OR5K1: variants seen among roughly 807,000 people sequenced by gnomAD.
OR5K1 encodes the protein olfactory receptor 5K1.
A neutral mutation model predicts 10.4 loss-of-function variants in OR5K1; 7 were observed. The ratio of observed to expected loss-of-function variants is 0.67; its 90% CI spans 0.38 to 1.26. The LOEUF (loss-of-function observed/expected upper bound fraction) is 1.26, where lower values mean the gene tolerates loss of function less well. OR5K1 is among the 50% of genes most tolerant of loss of function. OR5K1 has a pLI of 0.02. For missense variants in OR5K1, 435 were observed against 366.2 expected (o/e 1.19, Z -1.53); for synonymous variants, 135 against 128.5 (o/e 1.05, Z -0.34).
intron 1 of OR5K1, among the ~76,000 whole-genome samples, chr3:98,468,645 T>C (rs1262184418): frequency 6.6e-6 from 1 of 152,140 alleles, no homozygotes; most frequent in Non-Finnish European, 1.5e-5. Flanking sequence ...TTGTAACATG[T>C]CAGAATTTCT....
Position 98,469,941 on chromosome 3 carries a change from G to A in OR5K1, c.365G>A (p.Arg122His), listed in dbSNP as rs370192014. The A allele has an allele frequency of 4.5e-5, 72 of 1,613,582 alleles. No homozygotes were observed. In the Middle Eastern group the frequency reaches 4.9e-4, roughly 11 times the overall value. The change falls in exon 2 of 2, where the codon CGC becomes CAC. Residue 122 changes from arginine to histidine, a missense_variant. Coordinates refer to ENST00000642057, the MANE Select transcript of OR5K1 (RefSeq NM_001004736.4). ...CTTCTGGCAGCAATGGCCTATGACC[G>A]CTATGTGGCCATATGCAACCCACTG... ...CFLLAAMAYD[R>H]YVAICNPLQY...
At position 98,469,690 on chromosome 3, in the gene OR5K1, C is replaced by T. The variant is rs760671393; in HGVS notation, c.114C>T (p.Thr38=). Residue 38 remains threonine (T), a synonymous_variant, in exon 2 of 2, where the codon ACC becomes ACT. Coordinates refer to ENST00000642057, the MANE Select transcript of OR5K1 (RefSeq NM_001004736.4). ...TGTTCTTTGCCATCTATCTGATCAC[C>T]GTGGTGGGGAATATTAGTTTGGTGG... The part of the protein sequence containing the change: ...FVVFFAIYLI[T]VVGNISLVAL... The T allele has an allele frequency of 1.7e-5, 28 of 1,613,682 alleles. No homozygotes were observed. The highest frequency in any genetic ancestry group is 2.2e-5 in the Non-Finnish European group (26 of 1,179,766).
intron 1 of OR5K1, among the ~76,000 whole-genome samples, chr3:98,465,651 G>A (rs1705362913): frequency 6.6e-6 from 1 of 151,888 alleles, no homozygotes; most frequent in African/African-American, 2.4e-5. Context: ...TAGCCTCATA[G>A]CTATTTTAAA....
rs776993135 is a variant in OR5K1 at position 98,470,410 on chromosome 3, T to C, written c.834T>C (p.Phe278=). The C allele has an allele frequency of 6.2e-7, 1 of 1,608,664 alleles. No homozygotes were observed. ...AAGATATACCAGCTGCAATTTTATT[T>C]ACAATAGTAGTTCCCTTACTAAATC... is the stretch of plus-strand genomic sequence containing the variant. The part of the protein sequence containing the change: ...GDKDIPAAIL[F]TIVVPLLNPF... The change falls in exon 2 of 2, where the codon TTT becomes TTC. Residue 278 remains phenylalanine (F), a synonymous_variant. Coordinates refer to ENST00000642057, the MANE Select transcript of OR5K1 (RefSeq NM_001004736.4).
At position 98,472,579 on chromosome 3, in the gene OR5K1, T is replaced by C. The variant is rs536897506; in HGVS notation, c.*2076T>C. The C allele has an allele frequency of 6.6e-6, 1 of 152,070 alleles. No homozygotes were observed. The highest frequency in any genetic ancestry group is 6.6e-5 in the Admixed American group (1 of 15,226). 9.4% of individuals were successfully genotyped at this position (152,070 alleles called of 1,614,324 possible). On this transcript the variant is annotated 3_prime_UTR_variant, in exon 2 of 2. Coordinates refer to ENST00000642057, the MANE Select transcript of OR5K1 (RefSeq NM_001004736.4). ...TCCTTAATTCTAGGATGATACTTAG[T>C]TTTCACATCATTACAAATGTTTCCC...
chr3:98,465,251 T>A (rs1289363248), intron 1 of OR5K1, among the ~76,000 whole-genome samples: 3 of 152,188 alleles, frequency 2.0e-5, no homozygotes, highest in African/African-American at 2.4e-5. Context: ...ATTTTGTTTT[T>A]TACATAACGT....
chr3:98,467,166 C>A, intron 1 of OR5K1, among the ~76,000 whole-genome samples: 1 of 100,000 alleles, frequency 1.0e-5, no homozygotes, highest in East Asian at 3.0e-4. Context: ...AATCCTTTCC[C>A]CATTGCTTGT....
At chr3:98,467,908 AT>A (rs1705392792) in intron 1 of OR5K1, among the ~76,000 whole-genome samples, 1 of 150,258 alleles carries the variant, frequency 6.7e-6, no homozygotes, top group South Asian at 2.1e-4. Context: ...CTCCTGCCTG[AT>A]TGCCCTGGCC....
At chr3:98,464,067 C>T (rs980061935) in intron 1 of OR5K1, among the ~76,000 whole-genome samples, 2 of 151,938 alleles carry the variant, frequency 1.3e-5, no homozygotes, top group Non-Finnish European at 2.9e-5. Context: ...CCAGCCTAGC[C>T]AACATGGTGA....
At position 98,470,829 on chromosome 3, in the gene OR5K1, T is replaced by C. The variant is rs1705438517; in HGVS notation, c.*326T>C. 2 of 175,176 alleles carry C rather than the reference T, an allele frequency of 1.1e-5. No individual in the cohort carries two copies. Among genetic ancestry groups the C allele is most frequent in the South Asian group, 2.9e-4 (2 of 6,854 alleles). The allele number at this position is 175,176 out of a possible 1,614,324, so 10.9% of individuals were successfully genotyped here. On this transcript the variant is annotated 3_prime_UTR_variant, in exon 2 of 2. Transcript: ENST00000642057. ...AAAAGAACACAGCAAAACTGGAAGT[T>C]ACAAGTTCAAAGGACCATTCCATTA...
At position 98,470,027 on chromosome 3, in the gene OR5K1, G is replaced by T; in HGVS notation, c.451G>T (p.Ala151Ser). The T allele has an allele frequency of 6.2e-7, 1 of 1,613,620 alleles. No homozygotes were observed. The highest frequency in any genetic ancestry group is 8.5e-7 in the Non-Finnish European group (1 of 1,179,760). ...CIQMTTGAFI[A>S]GNLHSMIHVG... is the part of the protein sequence containing the mutation. ...TCAGATGACCACAGGGGCCTTCATA[G>T]CTGGAAACCTGCATTCCATGATTCA... Residue 151 changes from alanine to serine, a missense_variant, in exon 2 of 2, where the codon GCT becomes TCT. Coordinates refer to ENST00000642057, the MANE Select transcript of OR5K1 (RefSeq NM_001004736.4).
At position 98,466,726 on chromosome 3, in the gene OR5K1, G is replaced by A. The variant is rs1488260323; in HGVS notation, c.-11-2840G>A. On this transcript the variant is annotated intron_variant, in intron 1 of 1. Transcript: ENST00000642057. ...TGAGAAGTGTCTGTTCATGTCCTTC[G>A]CCCACTTTTTGATGGGGTTGTTTGT... Among the ~76,000 whole-genome samples, 1,010 of 126,670 alleles carry A rather than the reference G, an allele frequency of 8.0e-3. 12 individuals are homozygous for A. Among genetic ancestry groups the A allele is most frequent in the African/African-American group, 0.034 (911 of 27,006 alleles). The allele number at this position is 126,670 out of a possible 152,430, so 83.1% of individuals were successfully genotyped here.
intron 1 of OR5K1, among the ~76,000 whole-genome samples, chr3:98,465,870 C>A (rs1705367021): frequency 6.9e-6 from 1 of 145,260 alleles, no homozygotes; most frequent in Admixed American, 7.2e-5. Flanking sequence ...TGATTTTTGA[C>A]TTATATAAAT....
intron 1 of OR5K1, among the ~76,000 whole-genome samples, chr3:98,467,807 C>T (rs371999858): frequency 2.2e-5 from 3 of 135,816 alleles, no homozygotes; most frequent in Admixed American, 7.7e-5. Flanking sequence ...TGGGCTGAGA[C>T]GATGGGGTTT....
At chr3:98,464,852 G>C (rs1705352252) in intron 1 of OR5K1, among the ~76,000 whole-genome samples, 1 of 152,128 alleles carries the variant, frequency 6.6e-6, no homozygotes. Context: ...TTTATAACTG[G>C]TGATGCCATT....
chr3:98,470,172 T>C lies in OR5K1; in HGVS notation c.596T>C (p.Leu199Pro), dbSNP rs746930248. 3 of 1,613,292 alleles carry C rather than the reference T, an allele frequency of 1.9e-6. No homozygotes were observed. In the East Asian group the frequency reaches 6.7e-5, roughly 36 times the overall value. Residue 199 changes from leucine to proline, a missense_variant, in exon 2 of 2, where the codon CTA becomes CCA. Leu to Pro is a moderately conservative substitution (Grantham distance 98). Transcript: ENST00000642057. ...CVDPYINELV[L>P]FIFSGSVQVF... ...GATCCTTATATCAATGAACTGGTTC[T>C]ATTCATCTTCTCAGGTTCAGTTCAA...
chr3:98,470,070 G>T lies in OR5K1; in HGVS notation c.494G>T (p.Arg165Met). Residue 165 changes from arginine to methionine, a missense_variant, in exon 2 of 2, where the codon AGG becomes ATG. Arg to Met is a moderately conservative substitution (Grantham distance 91). Coordinates refer to ENST00000642057, the MANE Select transcript of OR5K1 (RefSeq NM_001004736.4). ...HSMIHVGLVF[R>M]LVFCGSNHIN... ...ATGATTCATGTAGGGCTTGTATTTA[G>T]GTTAGTTTTCTGTGGATCGAATCAC... The T allele has an allele frequency of 6.2e-7, 1 of 1,613,588 alleles. No homozygotes were observed. Among genetic ancestry groups the T allele is most frequent in the Non-Finnish European group, 8.5e-7 (1 of 1,179,698 alleles).
In OR5K1 at chr3:98,471,768, G is replaced by A. The variant is rs1383966909; in HGVS notation, c.*1265G>A. On this transcript the variant is annotated 3_prime_UTR_variant, in exon 2 of 2. Coordinates refer to ENST00000642057, the MANE Select transcript of OR5K1 (RefSeq NM_001004736.4). Reference sequence around the variant, plus strand: ...CAGGTTAGCCAGCCACCAGAGGCTGGCATCACAGGAAAAATCAATATGCTG... The same window carrying A: ...CAGGTTAGCCAGCCACCAGAGGCTGACATCACAGGAAAAATCAATATGCTG... 1 of 151,998 alleles carries A rather than the reference G, an allele frequency of 6.6e-6. No homozygotes were observed. The highest frequency in any genetic ancestry group is 1.5e-5 in the Non-Finnish European group (1 of 67,964). 9.4% of individuals were successfully genotyped at this position (151,998 alleles called of 1,614,324 possible). A position where few individuals can be genotyped will look rare whatever the true frequency, so the allele number is the denominator to read the frequency against.
chr3:98,463,326 CTT>C lies in OR5K1; in HGVS notation c.-12+20_-12+21del, dbSNP rs1042408303. 8 of 152,150 alleles carry C rather than the reference CTT, an allele frequency of 5.3e-5. No individual in the cohort carries two copies. Among genetic ancestry groups the C allele is most frequent in the African/African-American group, 1.7e-4 (7 of 41,440 alleles). 9.4% of individuals were successfully genotyped at this position (152,150 alleles called of 1,614,324 possible). A position where few individuals can be genotyped will look rare whatever the true frequency, so the allele number is the denominator to read the frequency against. Reference sequence around the variant, plus strand: ...AATTCAGGTGAGAAAGAATTTAAAACTTATTTTTGCTAGAAATATTAATGACA... The same window carrying C: ...AATTCAGGTGAGAAAGAATTTAAAACATTTTTGCTAGAAATATTAATGACA... On this transcript the variant is annotated intron_variant, in intron 1 of 1. Coordinates refer to ENST00000642057, the MANE Select transcript of OR5K1 (RefSeq NM_001004736.4).
Sources: gnomAD v4.1 joint callset for allele counts (sites outside exome capture counted in the v4.1 genomes callset) on GRCh38, gnomAD v4.1.1 for gene constraint, MANE v1.5 for transcripts, NCBI Gene and HGNC (gene_info 2026-07-23, HGNC 2026-07-21) for gene names.